Variants in NCAM2 observed in about 807,000 individuals in gnomAD.
NCAM2 encodes N-CAM-2.
In NCAM2, 30 loss-of-function variants were observed where a neutral mutation model predicts 98.1. The ratio of observed to expected loss-of-function variants is 0.31; its 90% confidence interval spans 0.23 to 0.41. The LOEUF is 0.41. Ranked by LOEUF, NCAM2 falls within the 10% of genes least tolerant of loss-of-function variation. The pLI is 1.00. For missense variants in NCAM2, 867 were observed against 1,005.8 expected (o/e 0.86, Z 1.87); for synonymous variants, 368 against 342.4 (o/e 1.07, Z -0.83).
chr21:21,236,463 T>A (rs1229847705), intron 1 of NCAM2, among the ~76,000 whole-genome samples: 1 of 152,074 alleles, frequency 6.6e-6, no homozygotes, highest in Non-Finnish European at 1.5e-5. Context: ...TTTTTGCAAA[T>A]GTGAAAGTAA....
chr21:21,511,571 A>G (rs954392750), intron 16 of NCAM2, among the ~76,000 whole-genome samples: 2 of 151,876 alleles, frequency 1.3e-5, no homozygotes, highest in South Asian at 4.1e-4. Context: ...GAGTACAAAT[A>G]TCTCTTGATT....
At chr21:21,381,339 ATTG>A (rs1294473959) in intron 9 of NCAM2, among the ~76,000 whole-genome samples, 4 of 152,190 alleles carry the variant, frequency 2.6e-5, no homozygotes, top group Non-Finnish European at 5.9e-5. Flanking sequence ...GTTTAATGCC[ATTG>A]TTGTTACTAT....
At chr21:21,278,244 A>G (rs1232092427) in intron 1 of NCAM2, among the ~76,000 whole-genome samples, 1 of 152,182 alleles carries the variant, frequency 6.6e-6, no homozygotes, top group African/African-American at 2.4e-5. Flanking sequence ...CTCAATTTAT[A>G]AAATCCATGC....
chr21:21,348,932 C>T (rs929545660), intron 8 of NCAM2, among the ~76,000 whole-genome samples: 2 of 152,004 alleles, frequency 1.3e-5, no homozygotes, highest in African/African-American at 4.8e-5. Flanking sequence ...CACAAAAATC[C>T]AATCAAAATG....
intron 1 of NCAM2, among the ~76,000 whole-genome samples, chr21:21,187,284 G>C (rs1236820219): frequency 6.6e-6 from 1 of 152,078 alleles, no homozygotes; most frequent in Non-Finnish European, 1.5e-5. Context: ...ACTAATTTGA[G>C]TAGCCACAGC....
At chr21:21,040,011 G>A (rs1409928183) in intron 1 of NCAM2, among the ~76,000 whole-genome samples, 1 of 152,150 alleles carries the variant, frequency 6.6e-6, no homozygotes, top group African/African-American at 2.4e-5. Flanking sequence ...CACATTGCCA[G>A]TTATTACTGT....
chr21:21,241,622 C>A (rs1169493284), intron 1 of NCAM2, among the ~76,000 whole-genome samples: 1 of 152,004 alleles, frequency 6.6e-6, no homozygotes, highest in Non-Finnish European at 1.5e-5. Flanking sequence ...GTCTAGGAAA[C>A]CTTGCCAACT....
chr21:21,419,083 T>C (rs2077052459), intron 11 of NCAM2, among the ~76,000 whole-genome samples: 1 of 152,128 alleles, frequency 6.6e-6, no homozygotes, highest in Non-Finnish European at 1.5e-5. Flanking sequence ...AAAAAGTGGG[T>C]GTCATGTAAT....
chr21:21,475,876 C>T (rs935360204), intron 14 of NCAM2, among the ~76,000 whole-genome samples: 3 of 151,946 alleles, frequency 2.0e-5, no homozygotes, highest in African/African-American at 7.3e-5. Flanking sequence ...AGTTTATTTC[C>T]TTTGTAATAA....
chr21:21,310,241 G>T (rs1297931183), intron 5 of NCAM2, among the ~76,000 whole-genome samples: 2 of 152,014 alleles, frequency 1.3e-5, no homozygotes, highest in East Asian at 3.9e-4. Flanking sequence ...CCTCAGGTTT[G>T]CCAGTGAATT....
At chr21:21,110,850 A>T (rs1248330747) in intron 1 of NCAM2, among the ~76,000 whole-genome samples, 2 of 152,000 alleles carry the variant, frequency 1.3e-5, no homozygotes, top group African/African-American at 4.8e-5. Flanking sequence ...TAATTCAATT[A>T]AATACAGATT....
intron 8 of NCAM2, among the ~76,000 whole-genome samples, chr21:21,350,974 A>G (rs8129808): frequency 0.57 from 83,119 of 146,752 alleles, 23,948 homozygotes; most frequent in Admixed American, 0.65. Context: ...AAAATTAGCC[A>G]GGCGTGGTGG....
chr21:21,453,125 A>G (rs1476104099), intron 12 of NCAM2, among the ~76,000 whole-genome samples: 1 of 137,008 alleles, frequency 7.3e-6, no homozygotes, highest in African/African-American at 2.7e-5. Context: ...ATAATAACAA[A>G]ATATATATAG....
At position 21,509,066 on chromosome 21, in the gene NCAM2, G is replaced by A. The variant is rs779261415; in HGVS notation, c.2282+11G>A. The A allele has an allele frequency of 1.9e-5, 30 of 1,612,740 alleles. No individual in the cohort carries two copies. Among genetic ancestry groups the A allele is most frequent in the Admixed American group, 1.7e-4 (10 of 59,944 alleles). ...AAAAGCTGCATACCTGTGAGTATCA[G>A]GCATCTACATCATGTCATATTAAAC... On this transcript the variant is annotated intron_variant, in intron 16 of 17. Coordinates refer to ENST00000400546, the MANE Select transcript of NCAM2 (RefSeq NM_004540.5).
chr21:21,476,484 G>A (rs113673064), intron 14 of NCAM2, among the ~76,000 whole-genome samples: 4 of 151,978 alleles, frequency 2.6e-5, no homozygotes, highest in African/African-American at 9.7e-5. Flanking sequence ...GGTTAAGGAA[G>A]CTTTCTGTGT....
At position 21,432,273 on chromosome 21, in the gene NCAM2, G is replaced by T; in HGVS notation, c.1646G>T (p.Gly549Val). Residue 549 changes from glycine to valine, a missense_variant, in exon 12 of 18, where the codon GGA becomes GTA. Transcript: ENST00000400546. The part of the protein sequence containing the change: ...SEIWKIVRSH[G>V]VQTMVVLNNL... ...ATCTGGAAAATTGTACGCTCCCATGGAGTTCAAAGTGAGTCAACAATTTCA... is the reference window on the plus strand; with the variant it reads ...ATCTGGAAAATTGTACGCTCCCATGTAGTTCAAAGTGAGTCAACAATTTCA... 6.2e-7 allele frequency: 1 copy of T among 1,613,536 alleles called. No individual in the cohort carries two copies. Among genetic ancestry groups the T allele is most frequent in the Non-Finnish European group, 8.5e-7 (1 of 1,179,622 alleles).
chr21:21,101,507 C>T (rs1413101403), intron 1 of NCAM2, among the ~76,000 whole-genome samples: 1 of 151,956 alleles, frequency 6.6e-6, no homozygotes, highest in African/African-American at 2.4e-5. Context: ...GTTTTCTGCC[C>T]ATGTATAAAT....
intron 12 of NCAM2, among the ~76,000 whole-genome samples, chr21:21,449,162 T>TA (rs1980640341): frequency 6.6e-6 from 1 of 152,064 alleles, no homozygotes; most frequent in Non-Finnish European, 1.5e-5. Flanking sequence ...TCTATGCAAA[T>TA]ACTTTTTTTA....
chr21:21,414,050 A>G (rs1449511392), intron 10 of NCAM2, among the ~76,000 whole-genome samples: 1 of 152,204 alleles, frequency 6.6e-6, no homozygotes, highest in Non-Finnish European at 1.5e-5. Flanking sequence ...TATCATTTCA[A>G]CATTTTTCAG....
Sources: allele counts gnomAD v4.1 joint callset (sites outside exome capture counted in the v4.1 genomes callset), GRCh38; gene constraint gnomAD v4.1.1; transcripts MANE v1.5; gene names NCBI Gene and HGNC (gene_info 2026-07-23, HGNC 2026-07-21).